Variants in RBM43 observed in about 807,000 individuals in gnomAD.
RBM43 encodes the protein RNA binding motif protein 43.
A neutral mutation model predicts 12.4 loss-of-function variants in RBM43; 12 were observed. The observed-to-expected ratio is 0.97, with a 90% CI of 0.62 to 1.57. The LOEUF (loss-of-function observed/expected upper bound fraction) is 1.57. RBM43 is among the 40% of genes most tolerant of loss of function. The pLI is 0.00. For missense variants in RBM43, 348 were observed against 400.1 expected (o/e 0.87, Z 1.11); for synonymous variants, 138 against 145.7 (o/e 0.95, Z 0.38).
intron 2 of RBM43, 62 bp from the exon 3 acceptor site, chr2:151,252,917 A>C (rs575236156): frequency 1.2e-4 from 88 of 722,472 alleles, no homozygotes; most frequent in Non-Finnish European, 1.8e-4. Context: ...TTTTTTAATA[A>C]AAATAGGCAT....
At chr2:151,257,720 A>T (rs1682993131) in intron 1 of RBM43, among the ~76,000 whole-genome samples, 1 of 152,136 alleles carries the variant, frequency 6.6e-6, no homozygotes, top group Non-Finnish European at 1.5e-5. Context: ...TAAAAACAAT[A>T]AACCCAGTTG....
chr2:151,256,859 T>C (rs1259361666), intron 1 of RBM43, among the ~76,000 whole-genome samples: 1 of 152,026 alleles, frequency 6.6e-6, no homozygotes, highest in Non-Finnish European at 1.5e-5. Flanking sequence ...GGCAAGAACA[T>C]GGGGACTGCA....
intron 1 of RBM43, 190 bp downstream of exon 1, chr2:151,261,535 C>G: frequency 6.5e-7 from 1 of 1,546,184 alleles, no homozygotes; most frequent in East Asian, 2.5e-5. Context: ...CGAGGCTGAC[C>G]TGAGTTTGCC....
chr2:151,261,067 C>T, intron 1 of RBM43: 1 of 638,242 alleles, frequency 1.6e-6, no homozygotes, highest in Middle Eastern at 4.4e-4. Flanking sequence ...CAAAAACGTA[C>T]TTGCTTTTGC....
chr2:151,260,091 C>T (rs1375969319), intron 1 of RBM43, among the ~76,000 whole-genome samples: 1 of 151,014 alleles, frequency 6.6e-6, no homozygotes, highest in Non-Finnish European at 1.5e-5. Context: ...GTCTCAAACT[C>T]CTGACCTCGT....
In RBM43 at chr2:151,257,468, G is replaced by A. The variant is rs186198918; in HGVS notation, c.4-1725C>T. ...GCACTTTGGGAGGCCGAGGCAGGCA[G>A]ATCACCTGAGGTTGGGAGTTCGAGA... On this transcript the variant is annotated intron_variant, in intron 1 of 3. Coordinates refer to ENST00000331426, the MANE Select transcript of RBM43 (RefSeq NM_198557.3). Among the ~76,000 whole-genome samples, 69 of 152,302 alleles carry A rather than the reference G, an allele frequency of 4.5e-4. 1 individual carries two copies. The highest frequency in any genetic ancestry group is 1.6e-3 in the African/African-American group (67 of 41,576).
intron 1 of RBM43, among the ~76,000 whole-genome samples, chr2:151,257,562 G>A (rs781151441): frequency 7.9e-5 from 12 of 152,022 alleles, no homozygotes; most frequent in Admixed American, 2.6e-4. Flanking sequence ...GCATGGTGGT[G>A]CATGCCTGTA....
At position 151,255,454 on chromosome 2, in the gene RBM43, G is replaced by A. The variant is rs990508138; in HGVS notation, c.214+79C>T. The A allele has an allele frequency of 4.9e-6, 5 of 1,010,818 alleles. No individual in the cohort carries two copies. In the African/African-American group the frequency reaches 6.6e-5, roughly 13 times the overall value. 62.6% of individuals were successfully genotyped at this position (1,010,818 alleles called of 1,614,324 possible). A position where few individuals can be genotyped will look rare whatever the true frequency, so the allele number is the denominator to read the frequency against. Reference sequence around the variant, plus strand: ...TACTTTAAAATTTACCAATTCCGTGGATCATTTTAATAAAATGTAATTTTT... The same window carrying A: ...TACTTTAAAATTTACCAATTCCGTGAATCATTTTAATAAAATGTAATTTTT... On this transcript the variant is annotated intron_variant, in intron 2 of 3. Transcript: ENST00000331426.
At chr2:151,255,401 G>C in intron 2 of RBM43, 132 bp downstream of exon 2, 1 of 597,844 alleles carries the variant, frequency 1.7e-6, no homozygotes. Context: ...CTGGGCAACA[G>C]AGTGAGACTG....
chr2:151,259,140 A>T (rs1293059886), intron 1 of RBM43, among the ~76,000 whole-genome samples: 1 of 145,900 alleles, frequency 6.9e-6, no homozygotes, highest in Non-Finnish European at 1.5e-5. Flanking sequence ...TTCGTCCCCA[A>T]AAAAAAAAAG....
chr2:151,250,729 T>G lies in RBM43; in HGVS notation c.*177A>C. The G allele has an allele frequency of 1.9e-6, 1 of 514,964 alleles. No individual in the cohort carries two copies. The allele number at this position is 514,964 out of a possible 1,614,324, so 31.9% of individuals were successfully genotyped here. ...TCAACTGGATAACTTCAGAAAAGTG[T>G]TTTAACTTCTCCAAATCCTAGTTTC... On this transcript the variant is annotated 3_prime_UTR_variant, in exon 4 of 4. Coordinates refer to ENST00000331426, the MANE Select transcript of RBM43 (RefSeq NM_198557.3).
chr2:151,261,270 C>T, intron 1 of RBM43: 1 of 1,550,312 alleles, frequency 6.5e-7, no homozygotes, highest in Non-Finnish European at 8.7e-7. Context: ...TTCTTATTAG[C>T]CCTTTTCAAA....
intron 1 of RBM43, chr2:151,261,279 A>G: frequency 1.3e-6 from 2 of 1,550,394 alleles, no homozygotes; most frequent in South Asian, 1.2e-5. Flanking sequence ...GCCCTTTTCA[A>G]AAGGCAGCTG....
At chr2:151,261,161 C>A in intron 1 of RBM43, 1 of 1,377,064 alleles carries the variant, frequency 7.3e-7, no homozygotes, top group Non-Finnish European at 9.7e-7. Context: ...AAACAAAACA[C>A]AGAAGGATAA....
In RBM43 at chr2:151,261,822, T is replaced by G; in HGVS notation, c.-95A>C. Reference sequence around the variant, plus strand: ...AGGAGCGAGCAGGCAGGTTTTGGTTTCGTTTTTTGTTCCAGCTCCCTTGGA... The same window carrying G: ...AGGAGCGAGCAGGCAGGTTTTGGTTGCGTTTTTTGTTCCAGCTCCCTTGGA... On this transcript the variant is annotated 5_prime_UTR_variant, in exon 1 of 4. Coordinates refer to ENST00000331426, the MANE Select transcript of RBM43 (RefSeq NM_198557.3). 9.4e-6 allele frequency: 13 copies of G among 1,384,046 alleles called. No individual in the cohort carries two copies. The highest frequency in any genetic ancestry group is 1.2e-5 in the Non-Finnish European group (13 of 1,044,706). The allele number at this position is 1,384,046 out of a possible 1,614,324, so 85.7% of individuals were successfully genotyped here.
Position 151,255,556 on chromosome 2 carries a change from T to C in RBM43, c.191A>G (p.Tyr64Cys), listed in dbSNP as rs1682961615. The C allele has an allele frequency of 2.5e-6, 4 of 1,612,688 alleles. No homozygotes were observed. Among genetic ancestry groups the C allele is most frequent in the Admixed American group, 1.7e-5 (1 of 59,974 alleles). Residue 64 changes from tyrosine to cysteine, a missense_variant, in exon 2 of 4, where the codon TAT (tyrosine) becomes TGT (cysteine). Physicochemically the swap from Tyr to Cys is radical, Grantham distance 194. Transcript: ENST00000331426. ...ACCTTTTTTTTCTTTGAATATTACA[T>C]ATGCAACTCCCTTGGTTCTTGTCGG... ...IYPTRTKGVA[Y>C]VIFKEKKVAE...
At chr2:151,259,138 C>CAA (rs10671212) in intron 1 of RBM43, among the ~76,000 whole-genome samples, 51,918 of 140,068 alleles carry the variant, frequency 0.37, 10,983 homozygotes, top group Admixed American at 0.52. Context: ...ACTTCGTCCC[C>CAA]AAAAAAAAAA....
chr2:151,257,333 A>AACACAC (rs796208600), intron 1 of RBM43, among the ~76,000 whole-genome samples: 1 of 140,436 alleles, frequency 7.1e-6, no homozygotes, highest in African/African-American at 2.7e-5. Flanking sequence ...CACACACACA[A>AACACAC]ACACACACAC....
chr2:151,249,363 T>G lies in RBM43; in HGVS notation c.*1543A>C, dbSNP rs1236431758. 6.8e-6 allele frequency: 1 copy of G among 147,634 alleles called. No homozygotes were observed. Among genetic ancestry groups the G allele is most frequent in the Non-Finnish European group, 1.5e-5 (1 of 67,658 alleles). The allele number at this position is 147,634 out of a possible 1,614,324, so 9.1% of individuals were successfully genotyped here. ...TTTATTTAAAACTAAGAATGTTACT[T>G]GTGGTCTTTCTTTTTTTTTTTTTTT... On this transcript the variant is annotated 3_prime_UTR_variant, in exon 4 of 4. Transcript: ENST00000331426.
Sources: allele counts gnomAD v4.1 joint callset (sites outside exome capture counted in the v4.1 genomes callset), GRCh38; gene constraint gnomAD v4.1.1; transcripts MANE v1.5; gene names NCBI Gene and HGNC (gene_info 2026-07-23, HGNC 2026-07-21).